Variants in UBE2G1 observed in about 807,000 individuals in gnomAD.
UBE2G1 encodes ubiquitin-conjugating enzyme E2 G1.
In UBE2G1, 5 loss-of-function variants were observed where a neutral mutation model predicts 22.7. The ratio of observed to expected loss-of-function variants is 0.22; its 90% confidence interval spans 0.12 to 0.46. The LOEUF is 0.46. Ranked by LOEUF, UBE2G1 falls within the 20% of genes least tolerant of loss-of-function variation. The pLI is 0.99. For synonymous variants in UBE2G1, 74 were observed against 67.5 expected (o/e 1.10, Z -0.47); for missense variants, 88 against 203.9 (o/e 0.43, Z 3.46).
rs188569063 is a variant in UBE2G1 at position 4,325,126 on chromosome 17, T to G, written c.47-18003A>C. Reference sequence around the variant, plus strand: ...AAAAACAAAAAACAAAAAAAAAAAGTAGTTTAAAATCTTCAAAAATTCAAT... The same window carrying G: ...AAAAACAAAAAACAAAAAAAAAAAGGAGTTTAAAATCTTCAAAAATTCAAT... On this transcript the variant is annotated intron_variant, in intron 1 of 5. Transcript: ENST00000396981. Among the ~76,000 whole-genome samples, 953 of 150,770 alleles carry G rather than the reference T, an allele frequency of 6.3e-3. 13 individuals are homozygous for G. The highest frequency in any genetic ancestry group is 0.022 in the African/African-American group (915 of 41,184).
At chr17:4,303,534 A>G (rs138551408) in intron 2 of UBE2G1, among the ~76,000 whole-genome samples, 314 of 151,926 alleles carry the variant, frequency 2.1e-3, no homozygotes, top group African/African-American at 7.1e-3. Flanking sequence ...AGAGTGGTAG[A>G]GTTAGAGAGC....
intron 1 of UBE2G1, among the ~76,000 whole-genome samples, chr17:4,350,633 T>C (rs1446885485): frequency 6.6e-6 from 1 of 152,222 alleles, no homozygotes; most frequent in Non-Finnish European, 1.5e-5. Flanking sequence ...ATTTAGGTTA[T>C]AATTTATCTA....
chr17:4,338,663 T>C (rs1348279328), intron 1 of UBE2G1, among the ~76,000 whole-genome samples: 2 of 152,256 alleles, frequency 1.3e-5, no homozygotes, highest in Admixed American at 6.5e-5. Flanking sequence ...CTCTGTATTA[T>C]ATTTATCTCA....
At chr17:4,287,249 C>T (rs1381128281) in intron 4 of UBE2G1, among the ~76,000 whole-genome samples, 1 of 151,744 alleles carries the variant, frequency 6.6e-6, no homozygotes, top group Non-Finnish European at 1.5e-5. Context: ...GGATTACAGG[C>T]GCCTGCCACC....
intron 1 of UBE2G1, among the ~76,000 whole-genome samples, chr17:4,349,008 G>A (rs1969813642): frequency 6.6e-6 from 1 of 152,140 alleles, no homozygotes; most frequent in South Asian, 2.1e-4. Flanking sequence ...CCAACATGGT[G>A]AAACCCAGTC....
chr17:4,275,178 T>A (rs181607260), intron 5 of UBE2G1, among the ~76,000 whole-genome samples: 2 of 152,322 alleles, frequency 1.3e-5, no homozygotes, highest in East Asian at 3.8e-4. Flanking sequence ...CATTACCCTT[T>A]TCAGCAGAGG....
intron 1 of UBE2G1, among the ~76,000 whole-genome samples, chr17:4,352,841 G>A (rs1597266117): frequency 6.6e-6 from 1 of 152,114 alleles, no homozygotes; most frequent in Admixed American, 6.6e-5. Flanking sequence ...TTGGGAGGCC[G>A]AGGCGGGCAG....
chr17:4,269,871 G>A lies in UBE2G1; in HGVS notation c.*2683C>T, dbSNP rs537655662. 84 of 156,150 alleles carry A rather than the reference G, an allele frequency of 5.4e-4. No individual in the cohort carries two copies. Among genetic ancestry groups the A allele is most frequent in the Non-Finnish European group, 9.7e-4 (68 of 70,358 alleles). 9.7% of individuals were successfully genotyped at this position (156,150 alleles called of 1,614,324 possible). Reference sequence around the variant, plus strand: ...CATTTTCCTAAAGCAGAGAGGAATCGCCTCACACTGATGAGGCACTGGTGG... The same window carrying A: ...CATTTTCCTAAAGCAGAGAGGAATCACCTCACACTGATGAGGCACTGGTGG... On this transcript the variant is annotated 3_prime_UTR_variant, in exon 6 of 6. Transcript: ENST00000396981.
At chr17:4,345,848 A>T (rs1969763448) in intron 1 of UBE2G1, 1 of 152,178 alleles carries the variant, frequency 6.6e-6, no homozygotes, top group Admixed American at 6.5e-5. Context: ...GATTCCAGGG[A>T]CTCAAAATGA....
chr17:4,301,508 C>A, intron 2 of UBE2G1: 1 of 985,146 alleles, frequency 1.0e-6, no homozygotes, highest in Non-Finnish European at 1.6e-6. Context: ...ATAAACGGAA[C>A]AGGCAGGTGA....
intron 3 of UBE2G1, among the ~76,000 whole-genome samples, chr17:4,289,946 C>A (rs1969013891): frequency 6.6e-6 from 1 of 152,054 alleles, no homozygotes; most frequent in Non-Finnish European, 1.5e-5. Context: ...ATTCACAAAA[C>A]AAACATGCCA....
intron 1 of UBE2G1, among the ~76,000 whole-genome samples, chr17:4,344,032 C>T (rs1487144409): frequency 6.6e-6 from 1 of 152,060 alleles, no homozygotes; most frequent in Admixed American, 6.6e-5. Flanking sequence ...CAAAAACAGG[C>T]AAACAAATAC....
At chr17:4,361,523 T>C (rs898931759) in intron 1 of UBE2G1, among the ~76,000 whole-genome samples, 3 of 151,678 alleles carry the variant, frequency 2.0e-5, no homozygotes, top group Non-Finnish European at 4.4e-5. Context: ...TGAGACTCCG[T>C]CTCAAAAAAA....
At position 4,366,274 on chromosome 17, in the gene UBE2G1, C is replaced by T. The variant is rs746992783; in HGVS notation, c.43G>A (p.Ala15Thr). Residue 15 changes from alanine to threonine, a missense_variant, in exon 1 of 6, where the codon GCA becomes ACA. Physicochemically the swap from Ala to Thr is moderately conservative, Grantham distance 58. This residue lies in a region of UBE2G1 where 50 missense variants were observed against 71.0 expected (regional missense o/e 0.70). Transcript: ENST00000396981. ...QSALLLRRQL[A>T]ELNKNPVEGF... ...GCCCCGCCGCCCGCCTGCTCACCTG[C>T]CAGCTGTCTTCGCAGTAGCAGTGCC... 1.3e-6 allele frequency: 2 copies of T among 1,555,150 alleles called. No homozygotes were observed. Among genetic ancestry groups the T allele is most frequent in the Non-Finnish European group, 1.7e-6 (2 of 1,160,046 alleles).
chr17:4,330,327 T>G (rs1475599430), intron 1 of UBE2G1, among the ~76,000 whole-genome samples: 1 of 152,152 alleles, frequency 6.6e-6, no homozygotes, highest in African/African-American at 2.4e-5. Context: ...CCACTCCAAA[T>G]TCAAAGCTAT....
chr17:4,330,429 T>G (rs1034147192), intron 1 of UBE2G1, among the ~76,000 whole-genome samples: 1 of 152,186 alleles, frequency 6.6e-6, no homozygotes, highest in East Asian at 1.9e-4. Flanking sequence ...CCTACTTAGC[T>G]GGATGATTTT....
chr17:4,294,525 T>C (rs2143706795), intron 3 of UBE2G1, among the ~76,000 whole-genome samples: 1 of 152,300 alleles, frequency 6.6e-6, no homozygotes, highest in African/African-American at 2.4e-5. Flanking sequence ...GCTGTCCTCT[T>C]AAACTACCTA....
At chr17:4,352,184 C>T in intron 1 of UBE2G1, among the ~76,000 whole-genome samples, 1 of 152,186 alleles carries the variant, frequency 6.6e-6, no homozygotes, top group South Asian at 2.1e-4. Flanking sequence ...GAAAAGGGAT[C>T]ATCGTATCAA....
At chr17:4,290,736 C>T (rs1460274202) in intron 3 of UBE2G1, among the ~76,000 whole-genome samples, 1 of 149,680 alleles carries the variant, frequency 6.7e-6, no homozygotes, top group Non-Finnish European at 1.5e-5. Context: ...CCACCTCAGC[C>T]TCCCAAGTAG....
Sources: allele counts gnomAD v4.1 joint callset (sites outside exome capture counted in the v4.1 genomes callset), GRCh38; gene constraint gnomAD v4.1.1; regional missense constraint gnomAD v4.1.1; transcripts MANE v1.5; gene names NCBI Gene and HGNC (gene_info 2026-07-23, HGNC 2026-07-21).